The following STEAP3 variants were observed in gnomAD, a reference collection of about 807,000 sequenced individuals.
The protein encoded by STEAP3 is STEAP3 metalloreductase.
In STEAP3, 35 loss-of-function variants were observed where a neutral mutation model predicts 34.9. The observed-to-expected ratio is 1.00, with a 90% CI of 0.76 to 1.33. The LOEUF (loss-of-function observed/expected upper bound fraction) is 1.33. Among genes scored for constraint, STEAP3 ranks in the 40% most tolerant of loss-of-function variants. The pLI is 0.00. For missense variants in STEAP3, 652 were observed against 667.6 expected (o/e 0.98, Z 0.26); for synonymous variants, 281 against 301.6 (o/e 0.93, Z 0.71).
intron 2 of STEAP3, among the ~76,000 whole-genome samples, chr2:119,241,942 G>A (rs973038565): frequency 5.9e-5 from 9 of 152,338 alleles, no homozygotes; most frequent in African/African-American, 9.6e-5. Context: ...GCGTGAAGCC[G>A]TCCTGGCTTC....
At chr2:119,236,876 A>T (rs1396089494) in intron 2 of STEAP3, among the ~76,000 whole-genome samples, 1 of 152,196 alleles carries the variant, frequency 6.6e-6, no homozygotes, top group Non-Finnish European at 1.5e-5. Flanking sequence ...AATGGCTTGC[A>T]TGGATGGCAG....
chr2:119,257,556 A>T (rs1297563527), intron 5 of STEAP3: 2 of 1,544,116 alleles, frequency 1.3e-6, no homozygotes, highest in African/African-American at 1.4e-5. Context: ...TCATCAGACA[A>T]GTTTCCTAGG....
At chr2:119,236,750 C>T (rs1677105136) in intron 2 of STEAP3, among the ~76,000 whole-genome samples, 1 of 152,194 alleles carries the variant, frequency 6.6e-6, no homozygotes, top group South Asian at 2.1e-4. Context: ...GAGCAGCAGA[C>T]GGTGCCTCCC....
intron 1 of STEAP3, among the ~76,000 whole-genome samples, chr2:119,230,405 C>G (rs1676883260): frequency 6.6e-6 from 1 of 152,158 alleles, no homozygotes. Context: ...TGAGCACTGA[C>G]AAGCAAGTAA....
chr2:119,260,320 C>CT (rs141354895), intron 5 of STEAP3, among the ~76,000 whole-genome samples: 51,885 of 137,774 alleles, frequency 0.38, 10,307 homozygotes, highest in Non-Finnish European at 0.48. Context: ...TTTTTTTTTT[C>CT]TTTTTTTTTG....
At chr2:119,258,467 C>A (rs1217023870) in intron 5 of STEAP3, among the ~76,000 whole-genome samples, 3 of 152,150 alleles carry the variant, frequency 2.0e-5, no homozygotes, top group Non-Finnish European at 4.4e-5. Context: ...ACACCTCAGA[C>A]ACTTCGTTTA....
intron 1 of STEAP3, among the ~76,000 whole-genome samples, chr2:119,229,500 G>A (rs1306076780): frequency 6.6e-6 from 1 of 152,234 alleles, no homozygotes; most frequent in Non-Finnish European, 1.5e-5. Context: ...AGGAAGACAT[G>A]TGTTTAGGGG....
At position 119,247,554 on chromosome 2, in the gene STEAP3, T is replaced by C. The variant is rs1276125713; in HGVS notation, c.523-125T>C. The C allele has an allele frequency of 3.5e-6, 4 of 1,147,270 alleles. No individual in the cohort carries two copies. In the African/African-American group the frequency reaches 4.7e-5, roughly 13 times the overall value. 71.1% of individuals were successfully genotyped at this position (1,147,270 alleles called of 1,614,324 possible). On this transcript the variant is annotated intron_variant, in intron 3 of 5. Transcript: ENST00000393110. ...CCCCATTGGCTCCCACCTGTACCAT[T>C]GACTGGCAGCTCACTTGAACAAGTC... is the stretch of plus-strand genomic sequence containing the variant.
intron 1 of STEAP3, among the ~76,000 whole-genome samples, chr2:119,229,325 T>C (rs967789075): frequency 9.2e-5 from 14 of 152,106 alleles, no homozygotes; most frequent in Non-Finnish European, 1.9e-4. Flanking sequence ...GTATTATTAG[T>C]TCACCTAAGC....
Position 119,254,816 on chromosome 2 carries a change from T to A in STEAP3, c.1183T>A (p.Ser395Thr). Residue 395 changes from serine (S) to threonine (T), a missense_variant, in exon 5 of 6, where the codon TCG becomes ACG. Transcript: ENST00000393110. ...AVTSLPSIAN[S>T]LNWREFSFVQ... ...GACCTCACTGCCGTCCATTGCAAAC[T>A]CGCTCAACTGGAGGGAGTTCAGCTT... The A allele has an allele frequency of 6.2e-7, 1 of 1,614,146 alleles. No homozygotes were observed. Among genetic ancestry groups the A allele is most frequent in the South Asian group, 1.1e-5 (1 of 91,072 alleles).
chr2:119,254,652 A>G, intron 4 of STEAP3, 32 bp from the exon 5 acceptor site: 1 of 1,611,702 alleles, frequency 6.2e-7, no homozygotes, highest in Non-Finnish European at 8.5e-7. Context: ...CCTTTGCCAC[A>G]GTGTTCATGG....
Position 119,252,890 on chromosome 2 carries a change from CGT to C in STEAP3, c.1051-1787_1051-1786del, listed in dbSNP as rs143035310. ...GCATTTTACAAGCCAATGTGGTATA[CGT>C]GTGTGTAATCATCCAAACTCTGACT... On this transcript the variant is annotated intron_variant, in intron 4 of 5. Coordinates refer to ENST00000393110, the MANE Select transcript of STEAP3 (RefSeq NM_182915.3). Among the ~76,000 whole-genome samples, 1,279 of 152,312 alleles carry C rather than the reference CGT, an allele frequency of 8.4e-3. 16 individuals carry two copies. Among genetic ancestry groups the C allele is most frequent in the African/African-American group, 0.029 (1,207 of 41,560 alleles).
intron 4 of STEAP3, among the ~76,000 whole-genome samples, chr2:119,252,069 C>T (rs946838215): frequency 2.6e-5 from 4 of 152,118 alleles, no homozygotes; most frequent in Admixed American, 1.3e-4. Flanking sequence ...TTAAATTGGC[C>T]ACCACAGAGC....
rs1016173559 is a variant in STEAP3, at chr2:119,262,829, G to A, written c.1216-228G>A. ...ATTGGTGGGTCCTTAGACACCTTCA[G>A]CATAGAAGCATTATTCCCATTTTCC... On this transcript the variant is annotated intron_variant, in intron 5 of 5. Transcript: ENST00000393110. Among the ~76,000 whole-genome samples, 3 of 152,218 alleles carry A rather than the reference G, an allele frequency of 2.0e-5. No individual in the cohort carries two copies. In the East Asian group the frequency reaches 5.8e-4, roughly 29 times the overall value.
rs1289795118 is a variant in STEAP3 at position 119,264,859 on chromosome 2, T to C, written c.*1521T>C. The C allele has an allele frequency of 2.7e-5, 4 of 150,134 alleles. No individual in the cohort carries two copies. Among genetic ancestry groups the C allele is most frequent in the African/African-American group, 1.0e-4 (4 of 39,754 alleles). 9.3% of individuals were successfully genotyped at this position (150,134 alleles called of 1,614,324 possible). ...TCATGTCTATGCAGCACATAAGGGTTCTTCAGTGAAAAGCAGGAGAAGAGC... is the reference window on the plus strand; with the variant it reads ...TCATGTCTATGCAGCACATAAGGGTCCTTCAGTGAAAAGCAGGAGAAGAGC... On this transcript the variant is annotated 3_prime_UTR_variant, in exon 6 of 6. Coordinates refer to ENST00000393110, the MANE Select transcript of STEAP3 (RefSeq NM_182915.3).
intron 4 of STEAP3, among the ~76,000 whole-genome samples, chr2:119,249,332 C>T (rs1351319919): frequency 6.6e-6 from 1 of 152,146 alleles, no homozygotes; most frequent in Non-Finnish European, 1.5e-5. Flanking sequence ...CTGATGCTCC[C>T]TCCTGGTCCA....
intron 4 of STEAP3, among the ~76,000 whole-genome samples, chr2:119,254,422 T>C (rs1677714265): frequency 2.0e-5 from 3 of 152,128 alleles, no homozygotes; most frequent in Admixed American, 2.0e-4. Flanking sequence ...ATCTGTTAGC[T>C]ACATGTGACC....
intron 1 of STEAP3, among the ~76,000 whole-genome samples, chr2:119,226,258 G>A (rs547954656): frequency 4.6e-5 from 7 of 152,262 alleles, no homozygotes; most frequent in South Asian, 4.2e-4. Flanking sequence ...TTGGGGAGTC[G>A]GGCTCTCTGG....
intron 5 of STEAP3, 149 bp from the exon 6 acceptor site, chr2:119,262,908 G>C (rs1573587455): frequency 2.0e-6 from 2 of 983,782 alleles, no homozygotes; most frequent in South Asian, 1.5e-5. Context: ...ATCACACTAA[G>C]AGAGTGACAG....
Sources: allele counts gnomAD v4.1 joint callset (sites outside exome capture counted in the v4.1 genomes callset), GRCh38; gene constraint gnomAD v4.1.1; transcripts MANE v1.5; gene names NCBI Gene and HGNC (gene_info 2026-07-23, HGNC 2026-07-21).